Variants in SYNPR observed in about 807,000 individuals in gnomAD.
SYNPR encodes the protein synaptoporin.
SYNPR carries 23 observed loss-of-function variants against 32.9 expected under a neutral mutation model. The observed-to-expected ratio is 0.70, with a 90% confidence interval of 0.50 to 0.99. The LOEUF (loss-of-function observed/expected upper bound fraction) is 0.99, where lower values mean the gene tolerates loss of function less well. Ranked by LOEUF, SYNPR falls within the 50% of genes least tolerant of loss-of-function variation. SYNPR has a pLI of 0.00. For synonymous variants in SYNPR, 146 were observed against 135.9 expected (o/e 1.07, Z -0.52); for missense variants, 318 against 349.3 (o/e 0.91, Z 0.71).
chr3:63,422,399 G>A (rs771909638), intron 2 of SYNPR, among the ~76,000 whole-genome samples: 11 of 152,184 alleles, frequency 7.2e-5, no homozygotes, highest in African/African-American at 9.6e-5. Context: ...GATGATCAAC[G>A]TCTACAGCGC....
chr3:63,543,086 A>T (rs777154105), intron 3 of SYNPR, among the ~76,000 whole-genome samples: 26 of 152,164 alleles, frequency 1.7e-4, no homozygotes, highest in Non-Finnish European at 3.2e-4. Context: ...AAAATATGCA[A>T]ATGCACATTC....
At chr3:63,307,516 T>C (rs1298859586) in intron 2 of SYNPR, among the ~76,000 whole-genome samples, 1 of 152,034 alleles carries the variant, frequency 6.6e-6, no homozygotes, top group African/African-American at 2.4e-5. Context: ...GACATTGTAA[T>C]TTCAGCAATG....
chr3:63,343,940 T>C (rs1210242481), intron 2 of SYNPR, among the ~76,000 whole-genome samples: 1 of 152,254 alleles, frequency 6.6e-6, no homozygotes, highest in East Asian at 1.9e-4. Flanking sequence ...GCTTGAGCTG[T>C]AATTGCAGTT....
intron 4 of SYNPR, among the ~76,000 whole-genome samples, chr3:63,593,608 T>G (rs1699879425): frequency 6.6e-6 from 1 of 152,148 alleles, no homozygotes; most frequent in African/African-American, 2.4e-5. Context: ...AAAGAAAAAG[T>G]GCAGTATGTC....
intron 2 of SYNPR, among the ~76,000 whole-genome samples, chr3:63,265,275 G>A (rs1431778361): frequency 1.3e-5 from 1 of 77,778 alleles, no homozygotes; most frequent in African/African-American, 4.5e-5. Flanking sequence ...TTTCTGAGAT[G>A]GAGTCTCAAT....
chr3:63,256,419 G>A (rs9842754), intron 2 of SYNPR, among the ~76,000 whole-genome samples: 2,377 of 152,268 alleles, frequency 0.016, 49 homozygotes, highest in African/African-American at 0.053. Flanking sequence ...ACCAATATCC[G>A]CTGTTCTGCA....
At chr3:63,203,068 G>GTGTGTGTGTATATATATATATATA in the SYNPR span, 3 of 108,590 alleles carry the variant, frequency 2.8e-5, no homozygotes, top group Non-Finnish European at 5.3e-5. Flanking sequence ...ATATGTATGT[G>GTGTGTGTGTATATATATATATATA]TATATATATA....
chr3:63,441,071 G>A (rs181055604), intron 2 of SYNPR, among the ~76,000 whole-genome samples: 18 of 152,240 alleles, frequency 1.2e-4, no homozygotes, highest in Non-Finnish European at 1.8e-4. Flanking sequence ...TTAGACAATG[G>A]CATACAATTA....
intron 2 of SYNPR, among the ~76,000 whole-genome samples, chr3:63,436,515 G>C (rs1409009524): frequency 6.6e-6 from 1 of 152,078 alleles, no homozygotes; most frequent in Non-Finnish European, 1.5e-5. Context: ...CTTGTCTCCT[G>C]AGTCAAAGTC....
the SYNPR span, among the ~76,000 whole-genome samples, chr3:63,218,280 C>A: frequency 6.6e-6 from 1 of 152,172 alleles, no homozygotes; most frequent in Admixed American, 6.5e-5. Context: ...TCAATATAAT[C>A]CACACCAGCG....
chr3:63,557,567 A>G (rs1249060997), intron 4 of SYNPR, among the ~76,000 whole-genome samples: 4 of 152,212 alleles, frequency 2.6e-5, no homozygotes, highest in Non-Finnish European at 5.9e-5. Context: ...CCTGACTAAT[A>G]TACTTTTTTG....
chr3:63,401,007 G>A (rs762573451), intron 2 of SYNPR, among the ~76,000 whole-genome samples: 1 of 152,068 alleles, frequency 6.6e-6, no homozygotes, highest in African/African-American at 2.4e-5. Context: ...AGGCAACATG[G>A]GGGTATAGGA....
At chr3:63,601,905 C>G (rs1700050436) in intron 4 of SYNPR, among the ~76,000 whole-genome samples, 1 of 152,184 alleles carries the variant, frequency 6.6e-6, no homozygotes, top group South Asian at 2.1e-4. Context: ...GAGGAATCAC[C>G]ACACTGCTTT....
At chr3:63,384,769 C>A (rs1201178701) in intron 2 of SYNPR, among the ~76,000 whole-genome samples, 1 of 152,148 alleles carries the variant, frequency 6.6e-6, no homozygotes, top group Non-Finnish European at 1.5e-5. Flanking sequence ...AACACCATAG[C>A]AATCCTATGA....
At chr3:63,350,145 CTTATAA>C (rs1297404371) in intron 2 of SYNPR, among the ~76,000 whole-genome samples, 2 of 151,982 alleles carry the variant, frequency 1.3e-5, no homozygotes, top group Non-Finnish European at 1.5e-5. Context: ...CATTTTCACA[CTTATAA>C]TTATACACAG....
chr3:63,340,451 A>G (rs1351571626), intron 2 of SYNPR, among the ~76,000 whole-genome samples: 10 of 126,570 alleles, frequency 7.9e-5, no homozygotes, highest in Non-Finnish European at 7.9e-5. Flanking sequence ...ACGGAGTCTC[A>G]CTCTGTTGCC....
intron 2 of SYNPR, among the ~76,000 whole-genome samples, chr3:63,465,783 A>G (rs1207687557): frequency 6.6e-6 from 1 of 152,178 alleles, no homozygotes; most frequent in Non-Finnish European, 1.5e-5. Flanking sequence ...ATTCAATGTC[A>G]TCAAATATCT....
chr3:63,403,795 G>A (rs561078846), intron 2 of SYNPR, among the ~76,000 whole-genome samples: 1 of 152,256 alleles, frequency 6.6e-6, no homozygotes, highest in South Asian at 2.1e-4. Flanking sequence ...ACAAGGAAGA[G>A]GGTAGCAAAT....
intron 3 of SYNPR, among the ~76,000 whole-genome samples, chr3:63,483,889 A>G (rs1351150622): frequency 6.6e-6 from 1 of 152,222 alleles, no homozygotes; most frequent in Non-Finnish European, 1.5e-5. Flanking sequence ...TTTGATGATA[A>G]TCTTAGAAAT....
Sources: gnomAD v4.1 joint callset for allele counts (sites outside exome capture counted in the v4.1 genomes callset) on GRCh38, gnomAD v4.1.1 for gene constraint, MANE v1.5 for transcripts, NCBI Gene and HGNC (gene_info 2026-07-23, HGNC 2026-07-21) for gene names.